Variants in CACNA1A observed in about 807,000 individuals in gnomAD.
CACNA1A encodes the protein voltage-dependent P/Q-type calcium channel subunit alpha-1A.
In CACNA1A, 57 loss-of-function variants were observed where a neutral mutation model predicts 262.4. That is an observed-to-expected ratio of 0.22 (90% CI 0.18 to 0.27). The LOEUF (loss-of-function observed/expected upper bound fraction) is 0.27, where lower values mean the gene tolerates loss of function less well. Ranked by LOEUF, CACNA1A falls within the 10% of genes least tolerant of loss-of-function variation. The pLI, the probability that CACNA1A is intolerant of heterozygous loss-of-function variation, is 1.00. For missense variants in CACNA1A, 2,526 were observed against 3,562.8 expected (o/e 0.71, Z 7.41); for synonymous variants, 1,431 against 1,419.3 (o/e 1.01, Z -0.18).
chr19:13,378,968 C>CTTT (rs35618538), intron 3 of CACNA1A, among the ~76,000 whole-genome samples: 1 of 129,476 alleles, frequency 7.7e-6, no homozygotes, highest in African/African-American at 3.0e-5. Flanking sequence ...TGTGCCCAGC[C>CTTT]TTTTTTTTTT....
In CACNA1A at chr19:13,214,299, G is replaced by A. The variant is rs2054919743; in HGVS notation, c.5874C>T (p.Ala1958=). 4 of 1,612,690 alleles carry A rather than the reference G, an allele frequency of 2.5e-6. No individual in the cohort carries two copies. Among genetic ancestry groups the A allele is most frequent in the Non-Finnish European group, 3.4e-6 (4 of 1,179,878 alleles). ...GCCGGTAGTACTCCATGATCATCAT[G>A]GCTGCGTAGATCTTCCCCACGGTGA... ...TDLTVGKIYA[A]MMIMEYYRQS... The change falls in exon 40 of 47, where the codon GCC becomes GCT. Residue 1958 remains alanine, a synonymous_variant. Coordinates refer to ENST00000360228, the MANE Select transcript of CACNA1A (RefSeq NM_001127222.2). The surrounding 1 kb of genome is among the most constrained non-coding windows in gnomAD (Gnocchi z 4.1).
chr19:13,224,772 G>T lies in CACNA1A; in HGVS notation c.5626C>A (p.Arg1876=). Residue 1876 remains arginine (R), a splice_region_variant and synonymous_variant, in exon 38 of 47, where the codon CGG becomes AGG. Coordinates refer to ENST00000360228, the MANE Select transcript of CACNA1A (RefSeq NM_001127222.2). ...KKCPARVAYK[R]LLRMDLPVAD... ...ACGGGCAGGTCCATCCGCAGAAGCCGCTACAGAAAACCCAAGGCAAGCGCA... is the reference window on the plus strand; with the variant it reads ...ACGGGCAGGTCCATCCGCAGAAGCCTCTACAGAAAACCCAAGGCAAGCGCA... 1.2e-6 allele frequency: 2 copies of T among 1,603,304 alleles called. No individual in the cohort carries two copies. Among genetic ancestry groups the T allele is most frequent in the Non-Finnish European group, 8.5e-7 (1 of 1,174,934 alleles).
chr19:13,426,744 T>C (rs2060409763), intron 3 of CACNA1A, among the ~76,000 whole-genome samples: 1 of 152,112 alleles, frequency 6.6e-6, no homozygotes, highest in African/African-American at 2.4e-5. Flanking sequence ...ATAAGTAAAC[T>C]GAGGCACACA....
intron 38 of CACNA1A, among the ~76,000 whole-genome samples, chr19:13,222,785 C>T (rs1169266931): frequency 1.3e-5 from 2 of 151,610 alleles, no homozygotes; most frequent in East Asian, 1.9e-4. Context: ...ACCTCTGTCT[C>T]CCAGGTTCAA....
At chr19:13,234,350 C>CAAAAAAAAAAAAAAAAAAA (rs71168693) in intron 34 of CACNA1A, among the ~76,000 whole-genome samples, 2 of 71,242 alleles carry the variant, frequency 2.8e-5, no homozygotes, top group Non-Finnish European at 4.8e-5. Context: ...ACTCCATCTC[C>CAAAAAAAAAAAAAAAAAAA]AAAAAAAAAA....
intron 19 of CACNA1A, among the ~76,000 whole-genome samples, chr19:13,290,457 T>C (rs1303393399): frequency 6.6e-6 from 1 of 152,120 alleles, no homozygotes; most frequent in Non-Finnish European, 1.5e-5. Flanking sequence ...TCTTGCTCTG[T>C]TGCCCAGGCT....
intron 3 of CACNA1A, among the ~76,000 whole-genome samples, chr19:13,434,330 C>T (rs2060572636): frequency 6.6e-6 from 1 of 152,168 alleles, no homozygotes; most frequent in Non-Finnish European, 1.5e-5. Context: ...CTTCATTTGT[C>T]CTGTGAAATA....
chr19:13,260,699 A>T (rs964097327), intron 26 of CACNA1A: 2 of 151,902 alleles, frequency 1.3e-5, no homozygotes, highest in African/African-American at 4.8e-5. Flanking sequence ...CGCAGGCTGG[A>T]GTGCAGTGGT....
chr19:13,463,853 T>C (rs1222778314), intron 1 of CACNA1A, among the ~76,000 whole-genome samples: 1 of 152,148 alleles, frequency 6.6e-6, no homozygotes, highest in Non-Finnish European at 1.5e-5. Context: ...AAAATAGTAG[T>C]GCAGAGGAGT....
At chr19:13,453,535 T>C (rs7253998) in intron 2 of CACNA1A, among the ~76,000 whole-genome samples, 2,927 of 152,256 alleles carry the variant, frequency 0.019, 90 homozygotes, top group African/African-American at 0.065. Flanking sequence ...TGCATTGACC[T>C]CACTCCTAAA....
At chr19:13,393,244 A>G (rs2059741312) in intron 3 of CACNA1A, among the ~76,000 whole-genome samples, 1 of 152,234 alleles carries the variant, frequency 6.6e-6, no homozygotes, top group Admixed American at 6.5e-5. Flanking sequence ...CAAACTGCCC[A>G]CCATTAGTAG....
chr19:13,470,844 T>C (rs1204264996), intron 1 of CACNA1A, among the ~76,000 whole-genome samples: 8 of 152,360 alleles, frequency 5.3e-5, no homozygotes, highest in Non-Finnish European at 1.2e-4. Context: ...GCAATAGCTA[T>C]ACCACTCTGT....
intron 10 of CACNA1A, among the ~76,000 whole-genome samples, chr19:13,324,602 T>A (rs189259851): frequency 8.7e-4 from 132 of 152,250 alleles, no homozygotes; most frequent in Non-Finnish European, 1.6e-3. Flanking sequence ...TAATAAAAAA[T>A]CATGCCTGTA....
intron 24 of CACNA1A, chr19:13,273,107 G>A (rs1236138313): frequency 2.0e-5 from 3 of 152,072 alleles, no homozygotes; most frequent in Admixed American, 6.6e-5. Flanking sequence ...TGGGATTACA[G>A]GCATCCGCCA....
At chr19:13,319,285 TTTCA>T (rs1476719898) in intron 10 of CACNA1A, among the ~76,000 whole-genome samples, 1 of 152,242 alleles carries the variant, frequency 6.6e-6, no homozygotes, top group East Asian at 1.9e-4. Context: ...TCATTCATTC[TTTCA>T]TCCATCCATT....
chr19:13,314,234 A>C (rs116915610), intron 11 of CACNA1A, among the ~76,000 whole-genome samples: 9 of 152,336 alleles, frequency 5.9e-5, no homozygotes, highest in Admixed American at 3.9e-4. Context: ...GAAAGCATAC[A>C]GAAAGGAAAG....
chr19:13,444,548 G>A (rs1599468620), intron 3 of CACNA1A, among the ~76,000 whole-genome samples: 1 of 152,238 alleles, frequency 6.6e-6, no homozygotes, highest in East Asian at 1.9e-4. Flanking sequence ...TAAAAAGCGA[G>A]GAACTGGGAT....
At chr19:13,336,596 A>AGG (rs1555768107) in intron 6 of CACNA1A, among the ~76,000 whole-genome samples, 1,040 of 89,438 alleles carry the variant, frequency 0.012, 5 homozygotes, top group Middle Eastern at 0.016. Flanking sequence ...AGAGAGAGGG[A>AGG]GAGAGAGAGA....
chr19:13,447,580 T>C (rs1406885188), intron 3 of CACNA1A, among the ~76,000 whole-genome samples: 1 of 152,200 alleles, frequency 6.6e-6, no homozygotes, highest in African/African-American at 2.4e-5. Context: ...AGTCCCACGA[T>C]AGCCCATCTG....
Sources: allele counts gnomAD v4.1 joint callset (sites outside exome capture counted in the v4.1 genomes callset), GRCh38; gene constraint gnomAD v4.1.1; non-coding constraint Gnocchi (gnomAD v3.1); transcripts MANE v1.5; gene names NCBI Gene and HGNC (gene_info 2026-07-23, HGNC 2026-07-21).